PEAR1: variants seen among roughly 807,000 people sequenced by gnomAD.
PEAR1 encodes multiple EGF-like domains protein 12.
Under a neutral mutation model 131.2 loss-of-function variants are expected in PEAR1, and 113 were observed. The ratio of observed to expected loss-of-function variants is 0.86; its 90% confidence interval spans 0.74 to 1.01. The LOEUF is 1.01. Among genes scored for constraint, PEAR1 ranks in the 50% least tolerant of loss-of-function variants. The pLI, the probability that PEAR1 is intolerant of heterozygous loss-of-function variation, is 0.00. For synonymous variants in PEAR1, 565 were observed against 523.3 expected (o/e 1.08, Z -1.09); for missense variants, 1,408 against 1,391.1 (o/e 1.01, Z -0.19).
chr1:156,910,370 C>A lies in PEAR1; in HGVS notation c.1815C>A (p.Ser605=). 3 of 1,597,090 alleles carry A rather than the reference C, an allele frequency of 1.9e-6. No homozygotes were observed. Among genetic ancestry groups the A allele is most frequent in the Non-Finnish European group, 2.6e-6 (3 of 1,171,430 alleles). The change falls in exon 14 of 23, where the codon TCC becomes TCA. Residue 605 remains serine, a synonymous_variant. Transcript: ENST00000292357. ...GTGCACCCGGATTCCGGGGCCCCTC[C>A]TGCCAGAGATGTGAGGCTCCCTACT... ...CVCAPGFRGP[S]CQRSCQPGRY...
chr1:156,906,029 C>T (rs1038029772), intron 4 of PEAR1, among the ~76,000 whole-genome samples: 1 of 152,180 alleles, frequency 6.6e-6, no homozygotes, highest in Non-Finnish European at 1.5e-5. Context: ...AGGATCTCCC[C>T]CAAAGCATTT....
In PEAR1 at chr1:156,907,908, C is replaced by T. The variant is rs1650528300; in HGVS notation, c.766-7C>T. On this transcript the variant is annotated splice_region_variant and splice_polypyrimidine_tract_variant and intron_variant, in intron 7 of 22. Transcript: ENST00000292357. ...CCTGGGGCCCTGTTGACCTCTTATC[C>T]CCACAGGGCACCATCTGCTCCCTGC... The T allele has an allele frequency of 1.9e-6, 3 of 1,597,176 alleles. No individual in the cohort carries two copies. Among genetic ancestry groups the T allele is most frequent in the South Asian group, 1.1e-5 (1 of 89,508 alleles).
In PEAR1 at chr1:156,906,720, G is replaced by C; in HGVS notation, c.484G>C (p.Val162Leu). The stretch of plus-strand genomic sequence containing the variant: ...CAGCTCGTGTGATCCCAAGAGTGGG[G>C]TATGTTCTTGCCCTTCTGGTCTGCA... Reference protein sequence around the residue: ...NNSSCDPKSGVCSCPSGLQPP... With the variant: ...NNSSCDPKSGLCSCPSGLQPP... Residue 162 changes from valine (V) to leucine (L), a missense_variant, in exon 6 of 23, where the codon GTA becomes CTA. By Grantham distance (32) the Val-to-Leu change is conservative (BLOSUM62 1). Coordinates refer to ENST00000292357, the MANE Select transcript of PEAR1 (RefSeq NM_001080471.3). The C allele has an allele frequency of 6.2e-7, 1 of 1,614,226 alleles. No homozygotes were observed. Among genetic ancestry groups the C allele is most frequent in the Non-Finnish European group, 8.5e-7 (1 of 1,180,044 alleles).
Position 156,902,568 on chromosome 1 carries a change from G to C in PEAR1, c.-9-1350G>C, listed in dbSNP as rs1649794195. Among the ~76,000 whole-genome samples, 1 of 152,114 alleles carries C rather than the reference G, an allele frequency of 6.6e-6. No individual in the cohort carries two copies. Among genetic ancestry groups the C allele is most frequent in the African/African-American group, 2.4e-5 (1 of 41,420 alleles). On this transcript the variant is annotated intron_variant, in intron 1 of 22. Coordinates refer to ENST00000292357, the MANE Select transcript of PEAR1 (RefSeq NM_001080471.3). The surrounding 1 kb of genome is among the most constrained non-coding windows in gnomAD (Gnocchi z 4.3). Reference sequence around the variant, plus strand: ...GAGCGGCTGCCCTTCTTGGGGCTGAGAGTGGCTTTGGGGACCCTGGGAGTG... The same window carrying C: ...GAGCGGCTGCCCTTCTTGGGGCTGACAGTGGCTTTGGGGACCCTGGGAGTG...
At position 156,913,734 on chromosome 1, in the gene PEAR1, A is replaced by G; in HGVS notation, c.2687A>G (p.Asn896Ser). ...LDRSYSYSYSNGPGPFYNKGL... is the reference protein window; with the variant it reads ...LDRSYSYSYSSGPGPFYNKGL... ...CGAAGCTACAGCTATAGCTACAGCA[A>G]TGGCCCAGGCCCATTCTACAATAAA... Residue 896 changes from asparagine to serine, a missense_variant, in exon 21 of 23, where the codon AAT becomes AGT. Transcript: ENST00000292357. 6.2e-7 allele frequency: 1 copy of G among 1,614,110 alleles called. No individual in the cohort carries two copies. The highest frequency in any genetic ancestry group is 8.5e-7 in the Non-Finnish European group (1 of 1,180,004).
rs1039207652 is a variant in PEAR1, at chr1:156,906,452, C to G, written c.400+84C>G. On this transcript the variant is annotated intron_variant, in intron 5 of 22. Coordinates refer to ENST00000292357, the MANE Select transcript of PEAR1 (RefSeq NM_001080471.3). ...CAGGTACACCCTCCCTACCAGGGCA[C>G]AGGGGCTTAGGACCCCAGGGCGATT... 6 of 1,564,218 alleles carry G rather than the reference C, an allele frequency of 3.8e-6. No individual in the cohort carries two copies. The African/African-American group carries it at 8.1e-5, about 21-fold the overall frequency.
In PEAR1 at chr1:156,904,827, G is replaced by A. The variant is rs1469430666; in HGVS notation, c.181G>A (p.Gly61Ser). ...AGAGCCCTGCGAGCGGCCCTGGGAGGGCCCCCATACTTGCCCCCAGCCCAC... is the reference window on the plus strand; with the variant it reads ...AGAGCCCTGCGAGCGGCCCTGGGAGAGCCCCCATACTTGCCCCCAGCCCAC... ...PSEPCERPWE[G>S]PHTCPQPTVV... Residue 61 changes from glycine to serine, a missense_variant, in exon 3 of 23, where the codon GGC becomes AGC. Gly to Ser is a moderately conservative substitution (Grantham distance 56). Coordinates refer to ENST00000292357, the MANE Select transcript of PEAR1 (RefSeq NM_001080471.3). 2.5e-6 allele frequency: 4 copies of A among 1,613,808 alleles called. No individual in the cohort carries two copies. Among genetic ancestry groups the A allele is most frequent in the Admixed American group, 1.7e-5 (1 of 59,998 alleles).
chr1:156,914,056 A>G lies in PEAR1; in HGVS notation c.2918A>G (p.Gln973Arg), dbSNP rs547708341. 3.1e-6 allele frequency: 5 copies of G among 1,608,120 alleles called. No homozygotes were observed. The Admixed American group carries it at 6.7e-5, about 22-fold the overall frequency. ...CAGAGGCGGCGGCAACCCCAGCCACAGAGAGACAGTGGCACCTACGAGCAG... is the reference window on the plus strand; with the variant it reads ...CAGAGGCGGCGGCAACCCCAGCCACGGAGAGACAGTGGCACCTACGAGCAG... ...DSQRRRQPQPQRDSGTYEQPS... is the reference protein window; with the variant it reads ...DSQRRRQPQPRRDSGTYEQPS... Residue 973 changes from glutamine (Q) to arginine (R), a missense_variant, in exon 22 of 23, where the codon CAG becomes CGG. Transcript: ENST00000292357.
At chr1:156,909,599 A>G (rs1270458324) in intron 11 of PEAR1, 152 bp from the exon 12 acceptor site, 1 of 868,496 alleles carries the variant, frequency 1.2e-6, no homozygotes, top group South Asian at 2.0e-5. Context: ...TCCGCATCAA[A>G]TAACTCATAA....
intron 5 of PEAR1, 35 bp from the exon 6 acceptor site, chr1:156,906,602 C>G (rs763948424): frequency 5.6e-6 from 9 of 1,612,866 alleles, no homozygotes; most frequent in East Asian, 4.5e-5. Context: ...GGACTAGACC[C>G]CTGGTGACCC....
intron 15 of PEAR1, among the ~76,000 whole-genome samples, chr1:156,911,275 CTCTT>C (rs1268835681): frequency 2.6e-5 from 3 of 116,866 alleles, no homozygotes; most frequent in Non-Finnish European, 5.0e-5. Context: ...CCCTCCCTCT[CTCTT>C]TCTTTCTTTT....
At chr1:156,897,139 T>C (rs944229927) in intron 1 of PEAR1, among the ~76,000 whole-genome samples, 2 of 152,216 alleles carry the variant, frequency 1.3e-5, no homozygotes, top group Non-Finnish European at 2.9e-5. Context: ...TTATTGCCTG[T>C]TGGGTGCCGG....
chr1:156,908,616 C>T lies in PEAR1; in HGVS notation c.1116-39C>T. The T allele has an allele frequency of 4.0e-6, 6 of 1,483,716 alleles. No homozygotes were observed. Among genetic ancestry groups the T allele is most frequent in the Non-Finnish European group, 3.6e-6 (4 of 1,118,240 alleles). The allele number at this position is 1,483,716 out of a possible 1,614,324, so 91.9% of individuals were successfully genotyped here. A position where few individuals can be genotyped will look rare whatever the true frequency, so the allele number is the denominator to read the frequency against. On this transcript the variant is annotated intron_variant, in intron 9 of 22. Transcript: ENST00000292357. This position sits in a 1 kb window ranked among gnomAD's most constrained non-coding sequence, Gnocchi z 4.2. Reference sequence around the variant, plus strand: ...GGTCGGGAAGCTGCCCTGCCCCTGCCCAGCTCAGACCGCGCCACGCCCCCG... The same window carrying T: ...GGTCGGGAAGCTGCCCTGCCCCTGCTCAGCTCAGACCGCGCCACGCCCCCG...
At chr1:156,901,620 G>A (rs1330688075) in intron 1 of PEAR1, among the ~76,000 whole-genome samples, 2 of 152,248 alleles carry the variant, frequency 1.3e-5, no homozygotes, top group African/African-American at 4.8e-5. Flanking sequence ...CAAGGGTGAT[G>A]AGCCTGGCTT....
rs1194647083 is a variant in PEAR1 at position 156,910,258 on chromosome 1, C to G, written c.1703C>G (p.Pro568Arg). The G allele has an allele frequency of 2.5e-6, 4 of 1,612,948 alleles. No homozygotes were observed. The African/African-American group carries it at 4.0e-5, about 16-fold the overall frequency. Residue 568 changes from proline to arginine, a missense_variant, in exon 14 of 23, where the codon CCT becomes CGT. Pro to Arg is a moderately radical substitution (Grantham distance 103). Transcript: ENST00000292357. Reference protein sequence around the residue: ...WMGARCHLSCPEGLWGVNCSN... With the variant: ...WMGARCHLSCREGLWGVNCSN... ...GGTGCCCGCTGCCACCTGTCCTGCC[C>G]TGAGGGCTTATGGGGAGTCAACTGT...
chr1:156,910,604 C>G lies in PEAR1; in HGVS notation c.1826-14C>G. On this transcript the variant is annotated splice_polypyrimidine_tract_variant and intron_variant, in intron 14 of 22. Transcript: ENST00000292357. ...GGCCTCTGCCCCCAATCACCATGTA[C>G]CCCTTTCCCCCAGCCTGTCAGCCTG... The G allele has an allele frequency of 6.2e-7, 1 of 1,613,280 alleles. No homozygotes were observed. Among genetic ancestry groups the G allele is most frequent in the African/African-American group, 1.3e-5 (1 of 75,044 alleles).
At chr1:156,913,027 T>C (rs371003119) in intron 18 of PEAR1, 45 bp downstream of exon 18, 1 of 1,607,404 alleles carries the variant, frequency 6.2e-7, no homozygotes, top group Non-Finnish European at 8.5e-7. Context: ...GGCTGGCTCA[T>C]AGGCACAAGA....
intron 22 of PEAR1, 74 bp downstream of exon 22, chr1:156,914,174 A>T: frequency 6.8e-7 from 1 of 1,467,070 alleles, no homozygotes; most frequent in Admixed American, 2.6e-5. Context: ...GAAGGAACAG[A>T]GGGAGAAGAG....
rs535397701 is a variant in PEAR1 at position 156,902,603 on chromosome 1, G to T, written c.-9-1315G>T. Among the ~76,000 whole-genome samples, 2 of 152,204 alleles carry T rather than the reference G, an allele frequency of 1.3e-5. No homozygotes were observed. The highest frequency in any genetic ancestry group is 1.3e-4 in the Admixed American group (2 of 15,280). On this transcript the variant is annotated intron_variant, in intron 1 of 22. Coordinates refer to ENST00000292357, the MANE Select transcript of PEAR1 (RefSeq NM_001080471.3). This position sits in a 1 kb window ranked among gnomAD's most constrained non-coding sequence, Gnocchi z 4.3. Reference sequence around the variant, plus strand: ...GGGGACCCTGGGAGTGTGTGGGTGTGGGGTGTGGGGTAGGGCCAGGCAGCA... The same window carrying T: ...GGGGACCCTGGGAGTGTGTGGGTGTTGGGTGTGGGGTAGGGCCAGGCAGCA...
Sources: allele counts gnomAD v4.1 joint callset (sites outside exome capture counted in the v4.1 genomes callset), GRCh38; gene constraint gnomAD v4.1.1; non-coding constraint Gnocchi (gnomAD v3.1); transcripts MANE v1.5; gene names NCBI Gene and HGNC (gene_info 2026-07-23, HGNC 2026-07-21).